The following IL6R variants were observed in gnomAD, a reference collection of about 807,000 sequenced individuals.
IL6R encodes interleukin 6 receptor.
Under a neutral mutation model 48.3 loss-of-function variants are expected in IL6R, and 38 were observed. That is an observed-to-expected ratio of 0.79 (90% CI 0.61 to 1.03). The LOEUF (loss-of-function observed/expected upper bound fraction) is 1.03, where lower values mean the gene tolerates loss of function less well. Among genes scored for constraint, IL6R ranks in the 50% least tolerant of loss-of-function variants. The pLI is 0.00. For synonymous variants in IL6R, 264 were observed against 256.2 expected, an observed-to-expected ratio of 1.03 and a Z score of -0.29; for missense variants, 534 against 618.3, an observed-to-expected ratio of 0.86 and a Z score of 1.45.
chr1:154,446,262 C>T (rs1690223013), intron 6 of IL6R, among the ~76,000 whole-genome samples: 1 of 152,182 alleles, frequency 6.6e-6, no homozygotes, highest in African/African-American at 2.4e-5. Flanking sequence ...GAACAAGTCG[C>T]TTTCCCTCTC....
chr1:154,426,670 G>A lies in IL6R; in HGVS notation c.86-2526G>A, dbSNP rs74963319. On this transcript the variant is annotated intron_variant, in intron 1 of 9. Coordinates refer to ENST00000368485, the MANE Select transcript of IL6R (RefSeq NM_000565.4). ...AAGTTAGGTTGGTGGGCTTTCCTGG[G>A]TATTTTATGCTTCATAAATTAACTT... Among the ~76,000 whole-genome samples, 1,412 of 152,160 alleles carry A rather than the reference G, an allele frequency of 9.3e-3. 22 individuals carry two copies. Among genetic ancestry groups the A allele is most frequent in the African/African-American group, 0.032 (1,340 of 41,476 alleles).
At chr1:154,431,904 C>G (rs7549338) in intron 3 of IL6R, among the ~76,000 whole-genome samples, 90,347 of 152,052 alleles carry the variant, frequency 0.59, 27,274 homozygotes, top group African/African-American at 0.66. Context: ...ACAGTGGGCA[C>G]TTTAAAATTT....
intron 9 of IL6R, among the ~76,000 whole-genome samples, chr1:154,458,266 G>A (rs577388388): frequency 1.3e-5 from 2 of 152,158 alleles, no homozygotes; most frequent in South Asian, 2.1e-4. Context: ...CACCGTGCCC[G>A]GCCTTCACTT....
chr1:154,435,905 G>T, intron 5 of IL6R, 64 bp from the exon 6 acceptor site: 1 of 1,431,896 alleles, frequency 7.0e-7, no homozygotes, highest in East Asian at 2.5e-5. Context: ...CCAACCCACT[G>T]GGGTGCTACC....
chr1:154,457,590 A>G (rs1028704804), intron 9 of IL6R, among the ~76,000 whole-genome samples: 2 of 152,098 alleles, frequency 1.3e-5, no homozygotes, highest in African/African-American at 2.4e-5. Flanking sequence ...CCATTTGGTC[A>G]TTGGTTTTGT....
intron 1 of IL6R, among the ~76,000 whole-genome samples, chr1:154,424,790 A>G (rs1688873092): frequency 6.6e-6 from 1 of 152,134 alleles, no homozygotes; most frequent in Non-Finnish European, 1.5e-5. Flanking sequence ...TTCAGTTGTG[A>G]TGTAGCAGGA....
At chr1:154,436,925 A>T (rs1268996755) in intron 6 of IL6R, among the ~76,000 whole-genome samples, 2 of 152,244 alleles carry the variant, frequency 1.3e-5, no homozygotes, top group African/African-American at 4.8e-5. Context: ...CAGTGAGAAC[A>T]TGTTAGTATG....
rs1268426402 is a variant in IL6R, at chr1:154,405,403, C to A, written c.-227C>A. On this transcript the variant is annotated 5_prime_UTR_variant, in exon 1 of 10. An upstream open reading frame in the 5' UTR gains an earlier in-frame stop. Transcript: ENST00000368485. This position sits in a 1 kb window ranked among gnomAD's most constrained non-coding sequence, Gnocchi z 5.2. ...TCTGAGTCATGTGCGAGTGGGAAGT[C>A]GCACTGACACTGAGCCGGGCCAGAG... 1.2e-5 allele frequency: 6 copies of A among 518,318 alleles called. No individual in the cohort carries two copies. The highest frequency in any genetic ancestry group is 2.0e-5 in the Non-Finnish European group (6 of 296,058). The allele number at this position is 518,318 out of a possible 1,614,324, so 32.1% of individuals were successfully genotyped here. A position where few individuals can be genotyped will look rare whatever the true frequency, so the allele number is the denominator to read the frequency against.
chr1:154,466,013 TC>T lies in IL6R; in HGVS notation c.*634del, dbSNP rs1691538228. On this transcript the variant is annotated 3_prime_UTR_variant, in exon 10 of 10. Coordinates refer to ENST00000368485, the MANE Select transcript of IL6R (RefSeq NM_000565.4). The stretch of plus-strand genomic sequence containing the variant: ...AATAATACAGTATCTCAGGGCCTGG[TC>T]GTTTTCAACAGAATTATAATTAGTT... 1 of 153,138 alleles carries T rather than the reference TC, an allele frequency of 6.5e-6. No individual in the cohort carries two copies. The highest frequency in any genetic ancestry group is 6.5e-5 in the Admixed American group (1 of 15,324). The allele number at this position is 153,138 out of a possible 1,614,324, so 9.5% of individuals were successfully genotyped here.
intron 2 of IL6R, among the ~76,000 whole-genome samples, chr1:154,430,166 G>A (rs1689204864): frequency 6.6e-6 from 1 of 152,186 alleles, no homozygotes; most frequent in Non-Finnish European, 1.5e-5. Context: ...AGGCCGCACA[G>A]CCAGGTCTGT....
chr1:154,438,687 G>A (rs1005887842), intron 6 of IL6R, among the ~76,000 whole-genome samples: 5 of 152,282 alleles, frequency 3.3e-5, no homozygotes, highest in African/African-American at 1.2e-4. Context: ...ATGGTGTGGG[G>A]TGATGGCTCT....
chr1:154,463,651 C>A (rs1389339143), intron 9 of IL6R, among the ~76,000 whole-genome samples: 2 of 152,274 alleles, frequency 1.3e-5, no homozygotes, highest in East Asian at 3.9e-4. Context: ...GAGGGAGGGG[C>A]TGAGGCTTGG....
intron 6 of IL6R, among the ~76,000 whole-genome samples, chr1:154,446,964 A>G (rs1198284621): frequency 6.6e-6 from 1 of 152,084 alleles, no homozygotes; most frequent in Non-Finnish European, 1.5e-5. Context: ...GCATTATGTC[A>G]TGTCTTCAAT....
intron 8 of IL6R, among the ~76,000 whole-genome samples, chr1:154,452,283 C>T (rs766557176): frequency 4.6e-5 from 7 of 152,170 alleles, no homozygotes; most frequent in South Asian, 2.1e-4. Flanking sequence ...CCAGTTTCTA[C>T]GAGGAGTCCC....
At chr1:154,463,776 C>T (rs747598925) in intron 9 of IL6R, among the ~76,000 whole-genome samples, 15 of 152,230 alleles carry the variant, frequency 9.9e-5, no homozygotes, top group Non-Finnish European at 1.6e-4. Context: ...TGACTTTTCT[C>T]AGTTACTGAG....
intron 1 of IL6R, among the ~76,000 whole-genome samples, chr1:154,408,698 A>C (rs1344256811): frequency 6.6e-6 from 1 of 152,074 alleles, no homozygotes; most frequent in Non-Finnish European, 1.5e-5. Flanking sequence ...GACTGCTGAA[A>C]ATATACACTC....
Position 154,466,984 on chromosome 1 carries a change from G to A in IL6R, c.*1604G>A, listed in dbSNP as rs1030170214. On this transcript the variant is annotated 3_prime_UTR_variant, in exon 10 of 10. Coordinates refer to ENST00000368485, the MANE Select transcript of IL6R (RefSeq NM_000565.4). Reference sequence around the variant, plus strand: ...TTCTCTACTCTAGGGAAAAACCAGCGTGTGACTACTCCCCCAGGTGGTTAT... The same window carrying A: ...TTCTCTACTCTAGGGAAAAACCAGCATGTGACTACTCCCCCAGGTGGTTAT... 2 of 152,578 alleles carry A rather than the reference G, an allele frequency of 1.3e-5. No individual in the cohort carries two copies. Among genetic ancestry groups the A allele is most frequent in the South Asian group, 2.1e-4 (1 of 4,840 alleles). 9.5% of individuals were successfully genotyped at this position (152,578 alleles called of 1,614,324 possible). A position where few individuals can be genotyped will look rare whatever the true frequency, so the allele number is the denominator to read the frequency against.
chr1:154,451,382 A>C (rs191099717), intron 8 of IL6R, among the ~76,000 whole-genome samples: 21 of 152,106 alleles, frequency 1.4e-4, no homozygotes, highest in Non-Finnish European at 2.9e-4. Context: ...GCCAGGCGTG[A>C]TGGCAGGTGC....
At position 154,466,258 on chromosome 1, in the gene IL6R, G is replaced by A. The variant is rs910397637; in HGVS notation, c.*878G>A. 5.3e-5 allele frequency: 8 copies of A among 152,266 alleles called. No homozygotes were observed. Among genetic ancestry groups the A allele is most frequent in the Non-Finnish European group, 1.2e-4 (8 of 68,078 alleles). 9.4% of individuals were successfully genotyped at this position (152,266 alleles called of 1,614,324 possible). The stretch of plus-strand genomic sequence containing the variant: ...TCTCTTCTCCACCTCCCACAAAGGA[G>A]AGCTAGCAGCAGGGAGGGCTTCTGC... On this transcript the variant is annotated 3_prime_UTR_variant, in exon 10 of 10. Coordinates refer to ENST00000368485, the MANE Select transcript of IL6R (RefSeq NM_000565.4).
Sources: gnomAD v4.1 joint callset for allele counts (sites outside exome capture counted in the v4.1 genomes callset) on GRCh38, gnomAD v4.1.1 for gene constraint, Gnocchi (gnomAD v3.1) non-coding constraint, MANE v1.5 for transcripts, NCBI Gene and HGNC (gene_info 2026-07-23, HGNC 2026-07-21) for gene names.